Variants in MCHR2 observed in about 807,000 individuals in gnomAD.
MCHR2 encodes melanin concentrating hormone receptor 2.
In MCHR2, 15 loss-of-function variants were observed where a neutral mutation model predicts 24.8. That is an observed-to-expected ratio of 0.60 (90% CI 0.40 to 0.93). The LOEUF (loss-of-function observed/expected upper bound fraction) is 0.93, where lower values mean the gene tolerates loss of function less well. Among genes scored for constraint, MCHR2 ranks in the 40% least tolerant of loss-of-function variants. The pLI, the probability that MCHR2 is intolerant of heterozygous loss-of-function variation, is 0.00. For missense variants in MCHR2, 386 were observed against 408.7 expected, an observed-to-expected ratio of 0.94 and a Z score of 0.48; for synonymous variants, 151 against 147.6, an observed-to-expected ratio of 1.02 and a Z score of -0.17.
chr6:99,983,491 A>G (rs1203826521), intron 1 of MCHR2, among the ~76,000 whole-genome samples: 2 of 152,240 alleles, frequency 1.3e-5, no homozygotes, highest in Non-Finnish European at 2.9e-5. Flanking sequence ...TTCTGAAGCA[A>G]GCCTGATCCC....
At chr6:99,957,032 CAGTG>C (rs1775077868) in intron 1 of MCHR2, among the ~76,000 whole-genome samples, 1 of 151,872 alleles carries the variant, frequency 6.6e-6, no homozygotes, top group African/African-American at 2.4e-5. Flanking sequence ...TCTGAAAAAT[CAGTG>C]GGCATTCCCT....
intron 1 of MCHR2, among the ~76,000 whole-genome samples, chr6:99,957,950 A>G (rs1171187467): frequency 6.6e-6 from 1 of 152,086 alleles, no homozygotes; most frequent in Non-Finnish European, 1.5e-5. Context: ...AATTCCAATA[A>G]AATTCCAAGT....
At chr6:99,948,620 G>A (rs561371506) in intron 2 of MCHR2, among the ~76,000 whole-genome samples, 7 of 152,224 alleles carry the variant, frequency 4.6e-5, no homozygotes, top group Admixed American at 1.3e-4. Flanking sequence ...TTGGACACAC[G>A]TGAGACAGTA....
At chr6:99,972,969 G>A (rs1475484702) in intron 1 of MCHR2, among the ~76,000 whole-genome samples, 1 of 152,072 alleles carries the variant, frequency 6.6e-6, no homozygotes, top group East Asian at 1.9e-4. Context: ...GCTGAGGAGA[G>A]CTTTACTTCC....
In MCHR2 at chr6:99,972,091, G is replaced by A. The variant is rs534951811; in HGVS notation, c.-27-15917C>T. Reference sequence around the variant, plus strand: ...CTGGCCTCATAAAATGAATTAGGGAGGATTCCCTCTTTTTCTATTGATTGG... The same window carrying A: ...CTGGCCTCATAAAATGAATTAGGGAAGATTCCCTCTTTTTCTATTGATTGG... On this transcript the variant is annotated intron_variant, in intron 1 of 5. Coordinates refer to ENST00000281806, the MANE Select transcript of MCHR2 (RefSeq NM_001040179.2). 3.2e-4 allele frequency among the ~76,000 whole-genome samples: 48 copies of A among 152,290 alleles called. No individual in the cohort carries two copies. The East Asian group carries it at 8.5e-3, about 27-fold the overall frequency.
chr6:99,993,530 TC>T (rs938570689), intron 1 of MCHR2, among the ~76,000 whole-genome samples: 5 of 152,110 alleles, frequency 3.3e-5, no homozygotes, highest in Admixed American at 3.3e-4. Flanking sequence ...AAGCCAGTGA[TC>T]GCCTCCTCGC....
intron 4 of MCHR2, among the ~76,000 whole-genome samples, chr6:99,939,704 T>G (rs545861359): frequency 6.6e-6 from 1 of 151,850 alleles, no homozygotes; most frequent in African/African-American, 2.4e-5. Context: ...TTTTGCACAT[T>G]AGTGTTTTTT....
chr6:99,967,700 T>C (rs182557349), intron 1 of MCHR2, among the ~76,000 whole-genome samples: 8 of 152,084 alleles, frequency 5.3e-5, no homozygotes, highest in Non-Finnish European at 1.2e-4. Context: ...ATGTGCAAAA[T>C]AGCACAATTA....
At chr6:99,933,381 T>C (rs1774585291) in intron 5 of MCHR2, among the ~76,000 whole-genome samples, 1 of 152,202 alleles carries the variant, frequency 6.6e-6, no homozygotes, top group Non-Finnish European at 1.5e-5. Context: ...GTATCTTTAA[T>C]ATTCCATATG....
chr6:99,927,261 A>T (rs1404846844), intron 5 of MCHR2, among the ~76,000 whole-genome samples: 45 of 152,212 alleles, frequency 3.0e-4, no homozygotes, highest in Admixed American at 2.9e-3. Context: ...GTTTGAAGTC[A>T]GGTAGCATGA....
At chr6:99,932,766 AG>A (rs1320570895) in intron 5 of MCHR2, among the ~76,000 whole-genome samples, 6 of 152,154 alleles carry the variant, frequency 3.9e-5, no homozygotes, top group African/African-American at 7.2e-5. Flanking sequence ...CACAGATCAG[AG>A]GACACTGGGA....
At chr6:99,988,333 A>T (rs1425227334) in intron 1 of MCHR2, among the ~76,000 whole-genome samples, 1 of 152,194 alleles carries the variant, frequency 6.6e-6, no homozygotes, top group Non-Finnish European at 1.5e-5. Context: ...GATGGTCCCC[A>T]CAGGGATACC....
chr6:99,963,978 T>C (rs1023947521), intron 1 of MCHR2, among the ~76,000 whole-genome samples: 1 of 152,060 alleles, frequency 6.6e-6, no homozygotes, highest in African/African-American at 2.4e-5. Flanking sequence ...GTGACTTCAA[T>C]AGGCATTTAC....
intron 1 of MCHR2, among the ~76,000 whole-genome samples, chr6:99,976,148 A>C (rs1320301080): frequency 3.3e-5 from 5 of 152,240 alleles, no homozygotes; most frequent in Non-Finnish European, 5.9e-5. Flanking sequence ...AATATCCCAA[A>C]GATAAAATCC....
intron 1 of MCHR2, among the ~76,000 whole-genome samples, chr6:99,969,642 T>C (rs1385906209): frequency 6.6e-6 from 1 of 151,684 alleles, no homozygotes; most frequent in African/African-American, 2.4e-5. Context: ...TATGTATACA[T>C]GTGCCATGTT....
rs183373451 is a variant in MCHR2 at position 99,936,140 on chromosome 6, T to C, written c.588-1623A>G. 3.6e-3 allele frequency among the ~76,000 whole-genome samples: 547 copies of C among 152,210 alleles called. 3 individuals carry two copies. The highest frequency in any genetic ancestry group is 0.012 in the African/African-American group (514 of 41,562). On this transcript the variant is annotated intron_variant, in intron 4 of 5. Transcript: ENST00000281806. ...ATGGTTTGCAAATATTTTCTTCCAT[T>C]CTGTGCGTTGTCTCTTCACTTTGTT...
At chr6:99,923,531 CATA>C (rs1245776227) in intron 5 of MCHR2, among the ~76,000 whole-genome samples, 1 of 151,980 alleles carries the variant, frequency 6.6e-6, no homozygotes, top group Non-Finnish European at 1.5e-5. Flanking sequence ...GGGTGTCTGT[CATA>C]TATGGCTTTT....
chr6:99,939,783 C>A (rs1774736643), intron 4 of MCHR2, among the ~76,000 whole-genome samples: 1 of 149,390 alleles, frequency 6.7e-6, no homozygotes, highest in Non-Finnish European at 1.5e-5. Flanking sequence ...GTGGTAAATT[C>A]CTTCAACTTC....
At chr6:99,988,409 T>G (rs1324795367) in intron 1 of MCHR2, among the ~76,000 whole-genome samples, 1 of 152,214 alleles carries the variant, frequency 6.6e-6, no homozygotes, top group Non-Finnish European at 1.5e-5. Flanking sequence ...GGACCATCCC[T>G]TCTTTGTGGA....
Sources: allele counts gnomAD v4.1 joint callset (sites outside exome capture counted in the v4.1 genomes callset), GRCh38; gene constraint gnomAD v4.1.1; transcripts MANE v1.5; gene names NCBI Gene and HGNC (gene_info 2026-07-23, HGNC 2026-07-21).